The following RBBP8 variants were observed in gnomAD, a reference collection of about 807,000 sequenced individuals.
RBBP8 encodes the protein DNA endonuclease RBBP8.
RBBP8 carries 88 observed loss-of-function variants against 108.3 expected under a neutral mutation model. The observed-to-expected ratio is 0.81, with a 90% CI of 0.68 to 0.97. RBBP8 has a LOEUF of 0.97. Ranked by LOEUF, RBBP8 falls within the 50% of genes least tolerant of loss-of-function variation. The pLI is 0.00. For missense variants in RBBP8, 1,023 were observed against 1,049.0 expected (o/e 0.98, Z 0.34); for synonymous variants, 332 against 348.2 (o/e 0.95, Z 0.52).
At chr18:22,985,187 T>G in intron 8 of RBBP8, 197 bp downstream of exon 8, 1 of 281,560 alleles carries the variant, frequency 3.6e-6, no homozygotes, top group Non-Finnish European at 5.4e-6. Flanking sequence ...CATATTAATA[T>G]AAATTACTAA....
At chr18:22,982,113 A>T (rs1290837058) in intron 6 of RBBP8, 105 bp from the exon 7 acceptor site, 1 of 1,305,466 alleles carries the variant, frequency 7.7e-7, no homozygotes, top group African/African-American at 1.5e-5. Flanking sequence ...AAGGGATTAC[A>T]TCCCTTAGAG....
At chr18:22,960,260 T>C (rs1379608069) in intron 4 of RBBP8, among the ~76,000 whole-genome samples, 1 of 152,166 alleles carries the variant, frequency 6.6e-6, no homozygotes. Context: ...GTTTACCAAC[T>C]TAAAGTGTAC....
At chr18:22,982,477 TAAG>T (rs1270128277) in intron 7 of RBBP8, 84 bp downstream of exon 7, 3 of 1,594,886 alleles carry the variant, frequency 1.9e-6, no homozygotes, top group African/African-American at 1.3e-5. Context: ...AATCTAGTGA[TAAG>T]AAGATAGTCA....
intron 15 of RBBP8, among the ~76,000 whole-genome samples, chr18:23,005,363 G>T (rs1391237059): frequency 6.6e-6 from 1 of 152,162 alleles, no homozygotes; most frequent in Admixed American, 6.5e-5. Flanking sequence ...TTTACACATT[G>T]TGTACATATA....
At chr18:22,992,189 C>G (rs1915748273) in intron 10 of RBBP8, among the ~76,000 whole-genome samples, 1 of 152,136 alleles carries the variant, frequency 6.6e-6, no homozygotes, top group Non-Finnish European at 1.5e-5. Flanking sequence ...AACTTAGGTT[C>G]TCAGTGGAAT....
chr18:22,982,112 C>T, intron 6 of RBBP8, 106 bp from the exon 7 acceptor site: 1 of 1,246,788 alleles, frequency 8.0e-7, no homozygotes, highest in South Asian at 1.3e-5. Flanking sequence ...CAAGGGATTA[C>T]ATCCCTTAGA....
chr18:22,948,776 T>G (rs768712105), intron 3 of RBBP8, among the ~76,000 whole-genome samples: 5 of 152,196 alleles, frequency 3.3e-5, no homozygotes, highest in Non-Finnish European at 7.3e-5. Context: ...AATCATAGTA[T>G]TACATTTTCA....
At chr18:22,940,804 A>G (rs1425951392) in intron 2 of RBBP8, among the ~76,000 whole-genome samples, 2 of 151,114 alleles carry the variant, frequency 1.3e-5, no homozygotes, top group Non-Finnish European at 3.0e-5. Flanking sequence ...GCACCACCGA[A>G]CCTGGCTAAT....
chr18:22,951,196 G>A (rs1471267866), intron 4 of RBBP8, among the ~76,000 whole-genome samples: 2 of 152,116 alleles, frequency 1.3e-5, no homozygotes, highest in African/African-American at 4.8e-5. Context: ...TGCTGTCTTA[G>A]GTGTTGCTCT....
chr18:22,980,779 A>C (rs1184565894), intron 6 of RBBP8, among the ~76,000 whole-genome samples: 5 of 145,352 alleles, frequency 3.4e-5, no homozygotes, highest in Non-Finnish European at 7.5e-5. Flanking sequence ...GAGTGGCATG[A>C]TCATAGCTCA....
chr18:22,983,999 T>A (rs1318548275), intron 7 of RBBP8, among the ~76,000 whole-genome samples: 3 of 152,154 alleles, frequency 2.0e-5, no homozygotes, highest in Non-Finnish European at 4.4e-5. Context: ...GAGACTTGCT[T>A]GAACCCTGGA....
At position 22,984,893 on chromosome 18, in the gene RBBP8, A is replaced by G. The variant is rs751724855; in HGVS notation, c.612A>G (p.Arg204=). The part of the protein sequence containing the change: ...LEHSVCANEM[R]KVSKSSTHPQ... ...ATTTTTTTCTCCCCTTAGAAATGAG[A>G]AAAGTTTCCAAGTCTTCAACTCATC... is the stretch of plus-strand genomic sequence containing the variant. The change falls in exon 8 of 19, where the codon AGA becomes AGG. Residue 204 remains arginine, a synonymous_variant. Coordinates refer to ENST00000327155, the MANE Select transcript of RBBP8 (RefSeq NM_002894.3). 1.1e-5 allele frequency: 18 copies of G among 1,594,506 alleles called. No homozygotes were observed. The South Asian group carries it at 2.0e-4, about 18-fold the overall frequency.
At chr18:22,932,569 T>C (rs573339362), upstream of RBBP8, among the ~76,000 whole-genome samples, 113 of 152,354 alleles carry the variant, frequency 7.4e-4, no homozygotes, top group African/African-American at 2.7e-3. Context: ...AGCCTGTTAA[T>C]ATTATCCCTT....
rs1378073833 is a variant in RBBP8 at position 22,996,365 on chromosome 18, TTACC to T, written c.1940-6_1940-3del. The T allele has an allele frequency of 1.4e-5, 22 of 1,613,184 alleles. No homozygotes were observed. The highest frequency in any genetic ancestry group is 1.8e-5 in the Non-Finnish European group (21 of 1,179,770). On this transcript the variant is annotated splice_region_variant and splice_polypyrimidine_tract_variant and intron_variant, in intron 12 of 18. Transcript: ENST00000327155. Reference sequence around the variant, plus strand: ...TTTTTTAATTGCATGCTCTTTCCCTTTACCTAAGATGTATCCTTTGAAAATATCC... The same window carrying T: ...TTTTTTAATTGCATGCTCTTTCCCTTTAAGATGTATCCTTTGAAAATATCC...
intron 8 of RBBP8, among the ~76,000 whole-genome samples, chr18:22,987,749 C>G: frequency 6.6e-6 from 1 of 152,300 alleles, no homozygotes; most frequent in Middle Eastern, 3.4e-3. Flanking sequence ...CCACTGTACC[C>G]GGCTTCACTT....
chr18:23,004,408 A>G (rs1026895689), intron 15 of RBBP8, among the ~76,000 whole-genome samples: 2 of 152,218 alleles, frequency 1.3e-5, no homozygotes, highest in African/African-American at 4.8e-5. Context: ...GAAATAAGCC[A>G]GGCACAGAAA....
At chr18:22,922,597 G>A (rs530328505) in intron 3 of RBBP8, among the ~76,000 whole-genome samples, 1 of 152,000 alleles carries the variant, frequency 6.6e-6, no homozygotes, top group Non-Finnish European at 1.5e-5. Context: ...GGAGTAGCTC[G>A]GACTATAGGC....
At chr18:23,022,603 A>AAAATAAAATAAAAT in intron 18 of RBBP8, among the ~76,000 whole-genome samples, 1 of 39,138 alleles carries the variant, frequency 2.6e-5, no homozygotes, top group African/African-American at 1.2e-4. Flanking sequence ...CTCTGTCTCA[A>AAAATAAAATAAAAT]AAATAAAATA....
chr18:22,993,160 TC>T lies in RBBP8; in HGVS notation c.1335del (p.Arg447GlyfsTer12). ...CCTGAAATCATTGGGAGGCCGAACATCCAAAAGGAAGAAAACTGAGGAAGAA... is the reference window on the plus strand; with the variant it reads ...CCTGAAATCATTGGGAGGCCGAACATCAAAAGGAAGAAAACTGAGGAAGAA... ...EPLKSLGGRT[S>X]KRKKTEEESE... On this transcript the variant is annotated frameshift_variant, in exon 11 of 19. Transcript: ENST00000327155. LOFTEE classifies it high-confidence loss of function. 6.2e-7 allele frequency: 1 copy of T among 1,614,076 alleles called. No homozygotes were observed. Among genetic ancestry groups the T allele is most frequent in the Non-Finnish European group, 8.5e-7 (1 of 1,179,986 alleles).
Sources: allele counts gnomAD v4.1 joint callset (sites outside exome capture counted in the v4.1 genomes callset), GRCh38; gene constraint gnomAD v4.1.1; transcripts MANE v1.5; gene names NCBI Gene and HGNC (gene_info 2026-07-23, HGNC 2026-07-21).